RIMBP2: variants seen among roughly 807,000 people sequenced by gnomAD.
The protein encoded by RIMBP2 is RIMS-binding protein 2.
RIMBP2 carries 48 observed loss-of-function variants against 118.6 expected under a neutral mutation model. The ratio of observed to expected loss-of-function variants is 0.40; its 90% CI spans 0.32 to 0.51. The LOEUF is 0.51. Among genes scored for constraint, RIMBP2 ranks in the 20% least tolerant of loss-of-function variants. The pLI, the probability that RIMBP2 is intolerant of heterozygous loss-of-function variation, is 0.41. For synonymous variants in RIMBP2, 762 were observed against 742.9 expected (o/e 1.03, Z -0.42); for missense variants, 1,551 against 1,768.3 (o/e 0.88, Z 2.20).
chr12:130,642,531 C>T lies in RIMBP2; in HGVS notation c.-351-14075G>A, dbSNP rs374623315. ...AACTCCTGACCTCAGGTGATCTGCC[C>T]GCTTTGGCCTCCTAAAGTGTTGGGA... is the stretch of plus-strand genomic sequence containing the variant. On this transcript the variant is annotated intron_variant, in intron 1 of 22. Coordinates refer to ENST00000690449, the MANE Select transcript of RIMBP2 (RefSeq NM_001393629.1). 5.3e-5 allele frequency among the ~76,000 whole-genome samples: 8 copies of T among 152,298 alleles called. No individual in the cohort carries two copies. In the East Asian group the frequency reaches 9.7e-4, roughly 18 times the overall value.
rs2064872696 is a variant in RIMBP2, at chr12:130,683,041, C to T, written c.-352+33181G>A. ...CATTCTTTTATCTTTAAGGTGAGGTCGTAGTAGTTGAATAGTGCCTTCCCC... is the reference window on the plus strand; with the variant it reads ...CATTCTTTTATCTTTAAGGTGAGGTTGTAGTAGTTGAATAGTGCCTTCCCC... On this transcript the variant is annotated intron_variant, in intron 1 of 22. Transcript: ENST00000690449. The surrounding 1 kb of genome is among the most constrained non-coding windows in gnomAD (Gnocchi z 4.4). 1.3e-5 allele frequency among the ~76,000 whole-genome samples: 2 copies of T among 152,002 alleles called. No homozygotes were observed. Among genetic ancestry groups the T allele is most frequent in the Admixed American group, 1.3e-4 (2 of 15,254 alleles).
At chr12:130,706,823 TATC>T (rs1480129767) in intron 1 of RIMBP2, among the ~76,000 whole-genome samples, 1 of 152,184 alleles carries the variant, frequency 6.6e-6, no homozygotes, top group Non-Finnish European at 1.5e-5. Context: ...TCACCAAAAT[TATC>T]ATGCAGTGAT....
Position 130,456,661 on chromosome 12 carries a change from T to G in RIMBP2, c.193A>C (p.Ser65Arg), listed in dbSNP as rs1339129318. The G allele has an allele frequency of 6.2e-7, 1 of 1,610,856 alleles. No homozygotes were observed. Residue 65 changes from serine (S) to arginine (R), a missense_variant, in exon 7 of 23, where the codon AGT (serine) becomes CGT (arginine). By Grantham distance (110) the Ser-to-Arg change is moderately radical (BLOSUM62 -1). This residue lies in a region of RIMBP2 where 239 missense variants were observed against 256.8 expected (regional missense o/e 0.93). Transcript: ENST00000690449. ...CGGGACAGCAGGTTGAACTGCTCAC[T>G]TTGAGTCCGGCATTTCTCTTCCAGC... ...RELEEKCRTQ[S>R]EQFNLLSRDL... is the part of the protein sequence containing the mutation.
At position 130,710,473 on chromosome 12, in the gene RIMBP2, TAC is replaced by T. The variant is rs968228994; in HGVS notation, c.-352+5747_-352+5748del. ...ACACACACACATACACACACACACGTACACACACACATGTGTGCTCCCCATGA... is the reference window on the plus strand; with the variant it reads ...ACACACACACATACACACACACACGTACACACACATGTGTGCTCCCCATGA... On this transcript the variant is annotated intron_variant, in intron 1 of 22. Coordinates refer to ENST00000690449, the MANE Select transcript of RIMBP2 (RefSeq NM_001393629.1). This position sits in a 1 kb window ranked among gnomAD's most constrained non-coding sequence, Gnocchi z 4.3. 6.6e-6 allele frequency among the ~76,000 whole-genome samples: 1 copy of T among 151,858 alleles called. No individual in the cohort carries two copies. Among genetic ancestry groups the T allele is most frequent in the African/African-American group, 2.4e-5 (1 of 41,304 alleles).
chr12:130,441,684 C>T (rs557703569), intron 11 of RIMBP2, among the ~76,000 whole-genome samples, 164 bp downstream of exon 11: 5 of 152,306 alleles, frequency 3.3e-5, no homozygotes, highest in African/African-American at 7.2e-5. Flanking sequence ...CTTGTGCACA[C>T]GCACACACGT....
intron 2 of RIMBP2, among the ~76,000 whole-genome samples, chr12:130,548,769 T>TCAC (rs10692142): frequency 0.018 from 2,773 of 151,978 alleles, 70 homozygotes; most frequent in African/African-American, 0.061. Context: ...AGACGGGGTT[T>TCAC]CACCATGTTG....
chr12:130,713,369 T>G (rs1034990502), intron 1 of RIMBP2, among the ~76,000 whole-genome samples: 1 of 151,178 alleles, frequency 6.6e-6, no homozygotes, highest in Non-Finnish European at 1.5e-5. Context: ...TGGTTGCCCT[T>G]TGCACACAAG....
At chr12:130,448,866 T>C (rs2078760635) in intron 9 of RIMBP2, among the ~76,000 whole-genome samples, 1 of 152,254 alleles carries the variant, frequency 6.6e-6, no homozygotes, top group South Asian at 2.1e-4. Flanking sequence ...GTGGAACTGG[T>C]GTATTACCAA....
At position 130,523,942 on chromosome 12, in the gene RIMBP2, G is replaced by C. The variant is rs1468182424; in HGVS notation, c.-216-6025C>G. On this transcript the variant is annotated intron_variant, in intron 2 of 22. Transcript: ENST00000690449. This position sits in a 1 kb window ranked among gnomAD's most constrained non-coding sequence, Gnocchi z 4.4. ...CATAACAAAGGCATGTAAGGGCACA[G>C]CAAGGTCTCTGGCTCTCAGGATCTG... 1.3e-5 allele frequency among the ~76,000 whole-genome samples: 2 copies of C among 152,200 alleles called. No homozygotes were observed. The highest frequency in any genetic ancestry group is 2.9e-5 in the Non-Finnish European group (2 of 68,038).
intron 2 of RIMBP2, among the ~76,000 whole-genome samples, chr12:130,594,570 C>CA (rs1446535183): frequency 1.3e-5 from 2 of 151,842 alleles, no homozygotes; most frequent in Non-Finnish European, 2.9e-5. Flanking sequence ...AAGAAAATTG[C>CA]AAAAAAATCT....
intron 2 of RIMBP2, among the ~76,000 whole-genome samples, chr12:130,613,840 C>T (rs867408621): frequency 6.8e-6 from 1 of 146,084 alleles, no homozygotes; most frequent in South Asian, 2.2e-4. Context: ...AAAACTCAGT[C>T]TCATTAAGAG....
At chr12:130,510,505 G>A (rs996848496) in intron 3 of RIMBP2, among the ~76,000 whole-genome samples, 1 of 152,154 alleles carries the variant, frequency 6.6e-6, no homozygotes, top group African/African-American at 2.4e-5. Flanking sequence ...GTCTCGCTCT[G>A]TCACCCAGGC....
rs186205631 is a variant in RIMBP2 at position 130,653,553 on chromosome 12, G to C, written c.-351-25097C>G. ...TCTACCATTCTGGGGCCTGAAGGGT[G>C]ACCCTCTTCTCACCAACTCCACTGG... On this transcript the variant is annotated intron_variant, in intron 1 of 22. Coordinates refer to ENST00000690449, the MANE Select transcript of RIMBP2 (RefSeq NM_001393629.1). Among the ~76,000 whole-genome samples the C allele has an allele frequency of 2.6e-3, 396 of 152,294 alleles. 5 individuals are homozygous for C. Among genetic ancestry groups the C allele is most frequent in the African/African-American group, 9.0e-3 (376 of 41,570 alleles).
intron 1 of RIMBP2, among the ~76,000 whole-genome samples, chr12:130,712,733 T>C (rs995155244): frequency 1.3e-5 from 2 of 152,170 alleles, no homozygotes; most frequent in Non-Finnish European, 2.9e-5. Context: ...ATCATGTCCA[T>C]GCATGACTGT....
At chr12:130,506,899 T>C in intron 3 of RIMBP2, 129 bp from the exon 4 acceptor site, 1 of 700,928 alleles carries the variant, frequency 1.4e-6, no homozygotes, top group Non-Finnish European at 1.8e-6. Context: ...TCCTTCTCCA[T>C]CATGGACTGG....
chr12:130,528,210 G>A lies in RIMBP2; in HGVS notation c.-216-10293C>T, dbSNP rs143510636. Among the ~76,000 whole-genome samples, 344 of 152,274 alleles carry A rather than the reference G, an allele frequency of 2.3e-3. 2 individuals are homozygous for A. The highest frequency in any genetic ancestry group is 7.9e-3 in the African/African-American group (329 of 41,548). On this transcript the variant is annotated intron_variant, in intron 2 of 22. Transcript: ENST00000690449. ...GGAATCAACCCAAATGCCCATCAGT[G>A]ATAGACTTGATAAAGAAAACATGGT... is the stretch of plus-strand genomic sequence containing the variant.
At chr12:130,674,331 T>C (rs1459757573) in intron 1 of RIMBP2, among the ~76,000 whole-genome samples, 1 of 152,186 alleles carries the variant, frequency 6.6e-6, no homozygotes, top group Non-Finnish European at 1.5e-5. Context: ...ATGAGCCAAT[T>C]ACGCCTCTTT....
chr12:130,407,849 G>C lies in RIMBP2; in HGVS notation c.3590-20C>G, dbSNP rs766767811. The C allele has an allele frequency of 6.3e-7, 1 of 1,599,432 alleles. No homozygotes were observed. Among genetic ancestry groups the C allele is most frequent in the Admixed American group, 1.7e-5 (1 of 60,006 alleles). ...TTCTCTCTGTTCAGATCACAAGGGG[G>C]AAAGAAATCCATCATGAGGTTATTT... On this transcript the variant is annotated intron_variant, in intron 19 of 22. Transcript: ENST00000690449.
At chr12:130,628,057 T>A (rs1352679652) in intron 2 of RIMBP2, among the ~76,000 whole-genome samples, 2 of 152,170 alleles carry the variant, frequency 1.3e-5, no homozygotes, top group African/African-American at 4.8e-5. Context: ...TCTGTCCCCA[T>A]CTGTGCTCCA....
Sources: allele counts gnomAD v4.1 joint callset (sites outside exome capture counted in the v4.1 genomes callset), GRCh38; gene constraint gnomAD v4.1.1; regional missense constraint gnomAD v4.1.1; non-coding constraint Gnocchi (gnomAD v3.1); transcripts MANE v1.5; gene names NCBI Gene and HGNC (gene_info 2026-07-23, HGNC 2026-07-21).